TP53BP2: variants seen among roughly 807,000 people sequenced by gnomAD.
TP53BP2 encodes the protein apoptosis-stimulating of p53 protein 2.
A neutral mutation model predicts 126.2 loss-of-function variants in TP53BP2; 62 were observed. The observed-to-expected ratio is 0.49, with a 90% confidence interval of 0.40 to 0.61. TP53BP2 has a LOEUF of 0.61. TP53BP2 is among the 20% of genes least tolerant of loss of function. TP53BP2 has a pLI of 0.00. For synonymous variants in TP53BP2, 485 were observed against 502.9 expected, an observed-to-expected ratio of 0.96 and a Z score of 0.48; for missense variants, 1,215 against 1,402.8, an observed-to-expected ratio of 0.87 and a Z score of 2.14.
chr1:223,835,489 C>T (rs577833966), intron 1 of TP53BP2, among the ~76,000 whole-genome samples: 2 of 152,258 alleles, frequency 1.3e-5, no homozygotes, highest in South Asian at 2.1e-4. Context: ...GCCAGGCATT[C>T]GTCTTATTTT....
At chr1:223,791,769 A>G (rs1161953510) in intron 15 of TP53BP2, among the ~76,000 whole-genome samples, 1 of 152,240 alleles carries the variant, frequency 6.6e-6, no homozygotes, top group Non-Finnish European at 1.5e-5. Context: ...ATGTAACTTA[A>G]AACTTTCTTT....
intron 1 of TP53BP2, among the ~76,000 whole-genome samples, chr1:223,843,070 A>G (rs1664156212): frequency 6.6e-6 from 1 of 152,208 alleles, no homozygotes; most frequent in African/African-American, 2.4e-5. Flanking sequence ...TCTAAAATAC[A>G]TCTTCCACTT....
Position 223,831,486 on chromosome 1 carries a change from T to A in TP53BP2, c.28-10119A>T, listed in dbSNP as rs1472776505. 4.0e-3 allele frequency among the ~76,000 whole-genome samples: 188 copies of A among 46,614 alleles called. 6 individuals are homozygous for A. In the African/African-American group the frequency reaches 0.048, roughly 12 times the overall value. 30.6% of individuals were successfully genotyped at this position (46,614 alleles called of 152,430 possible). ...CCATCTAAAAAAAAAAAAAAATATA[T>A]ATATATATATATATATATATATATA... On this transcript the variant is annotated intron_variant, in intron 1 of 17. Coordinates refer to ENST00000343537, the MANE Select transcript of TP53BP2 (RefSeq NM_001031685.3).
chr1:223,827,733 A>C (rs1490016849), intron 1 of TP53BP2, among the ~76,000 whole-genome samples: 1 of 152,230 alleles, frequency 6.6e-6, no homozygotes, highest in East Asian at 1.9e-4. Context: ...TCCTCAAGTT[A>C]TAAAGGTTAT....
intron 13 of TP53BP2, among the ~76,000 whole-genome samples, chr1:223,793,723 A>C (rs551558008): frequency 6.6e-6 from 1 of 152,356 alleles, no homozygotes; most frequent in African/African-American, 2.4e-5. Flanking sequence ...TTATAGTATG[A>C]ATTAAACTAA....
chr1:223,826,663 CA>C (rs1211862298), intron 1 of TP53BP2, among the ~76,000 whole-genome samples: 2 of 152,096 alleles, frequency 1.3e-5, no homozygotes, highest in Non-Finnish European at 2.9e-5. Flanking sequence ...TTACGTATTT[CA>C]AAATGATTAG....
chr1:223,798,478 G>C lies in TP53BP2; in HGVS notation c.1685C>G (p.Ser562Cys), dbSNP rs1360830497. ...TTGGCCAACCGAAGGTATGCTGGGA[G>C]ATAGCAGCACTCTCGGCTGCTGCCC... is the stretch of plus-strand genomic sequence containing the variant. Reference protein sequence around the residue: ...PAGQQPRVLLSPSIPSVGQDQ... With the variant: ...PAGQQPRVLLCPSIPSVGQDQ... Residue 562 changes from serine (S) to cysteine (C), a missense_variant, in exon 12 of 18, where the codon TCT (serine) becomes TGT (cysteine). Physicochemically the swap from Ser to Cys is moderately radical, Grantham distance 112 (BLOSUM62 -1). Around this residue, in one of 4 missense-constraint regions of TP53BP2, gnomAD observed 814 missense variants for 853.0 expected, o/e 0.95. Transcript: ENST00000343537. The C allele has an allele frequency of 3.1e-6, 5 of 1,614,066 alleles. No individual in the cohort carries two copies. The highest frequency in any genetic ancestry group is 4.2e-6 in the Non-Finnish European group (5 of 1,180,032).
chr1:223,828,960 G>T (rs1054033983), intron 1 of TP53BP2, among the ~76,000 whole-genome samples: 4 of 152,004 alleles, frequency 2.6e-5, no homozygotes, highest in African/African-American at 9.7e-5. Context: ...TTTTATATGG[G>T]TGAATTTTAT....
rs753930874 is a variant in TP53BP2 at position 223,784,161 on chromosome 1, G to A, written c.3317C>T (p.Ala1106Val). 34 of 1,613,928 alleles carry A rather than the reference G, an allele frequency of 2.1e-5. No individual in the cohort carries two copies. Among genetic ancestry groups the A allele is most frequent in the East Asian group, 2.2e-5 (1 of 44,892 alleles). Residue 1106 changes from alanine to valine, a missense_variant, in exon 17 of 18, where the codon GCG becomes GTG. By Grantham distance (64) the Ala-to-Val change is moderately conservative. Transcript: ENST00000343537. ...EDEDEIEWWW[A>V]RLNDKEGYVP... ...ATATCCCTCCTTATCATTAAGGCGC[G>A]CCCACCACCATTCGATTTCATCTTC...
chr1:223,832,779 G>C (rs997358606), intron 1 of TP53BP2, among the ~76,000 whole-genome samples: 7 of 152,164 alleles, frequency 4.6e-5, no homozygotes, highest in Admixed American at 2.0e-4. Flanking sequence ...TGCACACCAA[G>C]GGCACTCATG....
At position 223,845,830 on chromosome 1, in the gene TP53BP2, C is replaced by A; in HGVS notation, c.-150G>T. 1 of 614,444 alleles carries A rather than the reference C, an allele frequency of 1.6e-6. No homozygotes were observed. The highest frequency in any genetic ancestry group is 2.3e-6 in the Non-Finnish European group (1 of 435,670). 38.1% of individuals were successfully genotyped at this position (614,444 alleles called of 1,614,324 possible). On this transcript the variant is annotated 5_prime_UTR_variant, in exon 1 of 18. Transcript: ENST00000343537. ...GCGGCGCGCGGGTCCGAAGGGCCCT[C>A]CGCGCGGGCTGGGGCACCAACAAGC...
At chr1:223,822,096 T>C (rs1663333423) in intron 1 of TP53BP2, among the ~76,000 whole-genome samples, 1 of 152,070 alleles carries the variant, frequency 6.6e-6, no homozygotes, top group Non-Finnish European at 1.5e-5. Flanking sequence ...GTATTTTTAG[T>C]AGAGACGGGG....
chr1:223,831,483 AT>A (rs1663726891), intron 1 of TP53BP2, among the ~76,000 whole-genome samples: 99 of 31,326 alleles, frequency 3.2e-3, no homozygotes, highest in East Asian at 6.0e-3. Context: ...AAAAAAAAAT[AT>A]ATATATATAT....
chr1:223,834,739 T>G, intron 1 of TP53BP2: 1 of 812,556 alleles, frequency 1.2e-6, no homozygotes, highest in Non-Finnish European at 1.5e-6. Flanking sequence ...ATTCCTACTC[T>G]GTCCTGTAGT....
chr1:223,808,706 C>A (rs996775502), intron 4 of TP53BP2, among the ~76,000 whole-genome samples: 1 of 143,512 alleles, frequency 7.0e-6, no homozygotes, highest in African/African-American at 2.6e-5. Flanking sequence ...TTCTTAGATA[C>A]AACACTAAAA....
At position 223,798,574 on chromosome 1, in the gene TP53BP2, AT is replaced by A; in HGVS notation, c.1588del (p.Ile530LeufsTer108). ...FGQTNQPPSDIKPDGSSQQLS... is the reference protein window; with the variant it reads ...FGQTNQPPSDXKPDGSSQQLS... ...CTGCTGAGAACTTCCGTCTGGCTTA[AT>A]GTCTGAAGGTGGCTGATTAGTTTGT... is the stretch of plus-strand genomic sequence containing the variant. On this transcript the variant is annotated frameshift_variant, in exon 12 of 18. Coordinates refer to ENST00000343537, the MANE Select transcript of TP53BP2 (RefSeq NM_001031685.3). LOFTEE classifies it high-confidence loss of function. The A allele has an allele frequency of 6.2e-7, 1 of 1,614,180 alleles. No homozygotes were observed.
At position 223,814,292 on chromosome 1, in the gene TP53BP2, C is replaced by T; in HGVS notation, c.237G>A (p.Arg79=). 6.2e-7 allele frequency: 1 copy of T among 1,613,918 alleles called. No individual in the cohort carries two copies. The highest frequency in any genetic ancestry group is 1.3e-5 in the African/African-American group (1 of 75,060). ...FDVLQRFGSQ[R]NEVRFFLRHE... is the part of the protein sequence containing the mutation. ...GACGAAGGAAGAAGCGAACTTCGTTCCTCTGACTTCCAAATCGTTGAAGAA... is the reference window on the plus strand; with the variant it reads ...GACGAAGGAAGAAGCGAACTTCGTTTCTCTGACTTCCAAATCGTTGAAGAA... The change falls in exon 3 of 18, where the codon AGG becomes AGA. Residue 79 remains arginine (R), a synonymous_variant. Coordinates refer to ENST00000343537, the MANE Select transcript of TP53BP2 (RefSeq NM_001031685.3).
intron 1 of TP53BP2, among the ~76,000 whole-genome samples, chr1:223,826,510 A>G (rs1315004428): frequency 6.6e-6 from 1 of 152,134 alleles, no homozygotes. Context: ...CAGAAAGTAG[A>G]TCACTGGGTG....
At chr1:223,792,272 CA>C (rs1378500742) in intron 15 of TP53BP2, 116 bp downstream of exon 15, 2 of 1,164,470 alleles carry the variant, frequency 1.7e-6, no homozygotes, top group East Asian at 5.2e-5. Context: ...AGCTAGATTA[CA>C]AGCAGCTCAA....
Sources: gnomAD v4.1 joint callset for allele counts (sites outside exome capture counted in the v4.1 genomes callset) on GRCh38, gnomAD v4.1.1 for gene constraint, gnomAD v4.1.1 regional missense constraint, MANE v1.5 for transcripts, NCBI Gene and HGNC (gene_info 2026-07-23, HGNC 2026-07-21) for gene names.